Variants in TPST1 observed in about 807,000 individuals in gnomAD.
TPST1 encodes the protein tyrosylprotein sulfotransferase 1, also known as protein-tyrosine sulfotransferase 1.
In TPST1, 20 loss-of-function variants were observed where a neutral mutation model predicts 34.8. That is an observed-to-expected ratio of 0.57 (90% CI 0.40 to 0.84). The LOEUF (loss-of-function observed/expected upper bound fraction) is 0.84, where lower values mean the gene tolerates loss of function less well. Among genes scored for constraint, TPST1 ranks in the 40% least tolerant of loss-of-function variants. The probability of loss-of-function intolerance (pLI) is 0.00; values close to 1 mark genes in which losing one functional copy is unlikely to be tolerated. For missense variants in TPST1, 353 were observed against 455.5 expected (o/e 0.78, Z 2.05); for synonymous variants, 152 against 159.4 (o/e 0.95, Z 0.35).
intron 3 of TPST1, among the ~76,000 whole-genome samples, chr7:66,303,985 C>T (rs1791371041): frequency 6.6e-6 from 1 of 152,140 alleles, no homozygotes; most frequent in Non-Finnish European, 1.5e-5. Flanking sequence ...GGCAAAGCCC[C>T]AGAGGTTGTG....
chr7:66,314,322 C>G (rs1354883395), intron 3 of TPST1, among the ~76,000 whole-genome samples: 1 of 152,124 alleles, frequency 6.6e-6, no homozygotes, highest in Non-Finnish European at 1.5e-5. Context: ...ATCGCTTAAG[C>G]CCAGGAACTC....
chr7:66,269,233 G>A (rs906792223), intron 2 of TPST1, among the ~76,000 whole-genome samples: 1 of 152,136 alleles, frequency 6.6e-6, no homozygotes, highest in Non-Finnish European at 1.5e-5. Flanking sequence ...TTAGTAGATG[G>A]AAAACTCCCC....
intron 4 of TPST1, among the ~76,000 whole-genome samples, chr7:66,356,124 C>A (rs751286745): frequency 6.6e-6 from 1 of 152,148 alleles, no homozygotes; most frequent in African/African-American, 2.4e-5. Flanking sequence ...AGTTTAACTT[C>A]TAATGAAAAT....
chr7:66,203,764 C>T (rs1392881901), upstream of TPST1, among the ~76,000 whole-genome samples: 1 of 152,074 alleles, frequency 6.6e-6, no homozygotes, highest in East Asian at 1.9e-4. Context: ...GGATTACAGG[C>T]GTGAGCCACT....
At chr7:66,234,395 A>G (rs924927551) in intron 1 of TPST1, among the ~76,000 whole-genome samples, 1 of 146,892 alleles carries the variant, frequency 6.8e-6, no homozygotes, top group African/African-American at 2.5e-5. Flanking sequence ...AAATAAAAGC[A>G]TGGCTACACA....
intron 3 of TPST1, among the ~76,000 whole-genome samples, chr7:66,340,186 C>T (rs1026903364): frequency 6.6e-6 from 1 of 151,198 alleles, no homozygotes; most frequent in South Asian, 2.1e-4. Context: ...AAATACAAAG[C>T]CTGGGTGATA....
intron 4 of TPST1, 54 bp downstream of exon 4, chr7:66,352,609 A>G (rs573691943): frequency 6.3e-7 from 1 of 1,584,246 alleles, no homozygotes; most frequent in East Asian, 2.3e-5. Context: ...CTTGCATTGA[A>G]GTAATATTTT....
intron 1 of TPST1, among the ~76,000 whole-genome samples, chr7:66,230,247 C>T (rs567083761): frequency 4.8e-4 from 73 of 152,304 alleles, no homozygotes; most frequent in African/African-American, 1.7e-3. Flanking sequence ...CTCCAGGCAA[C>T]TATTTTACTG....
intron 2 of TPST1, among the ~76,000 whole-genome samples, chr7:66,255,141 G>A (rs1237496043): frequency 6.7e-5 from 5 of 74,208 alleles, no homozygotes; most frequent in Non-Finnish European, 1.3e-4. Flanking sequence ...GCGAGACAAC[G>A]TCTCAAAAAA....
chr7:66,256,830 C>T (rs1034514224), intron 2 of TPST1, among the ~76,000 whole-genome samples: 1 of 152,146 alleles, frequency 6.6e-6, no homozygotes, highest in African/African-American at 2.4e-5. Context: ...GCATATGGCC[C>T]TCTTAATTTG....
At chr7:66,292,715 C>T (rs1319848110) in intron 3 of TPST1, among the ~76,000 whole-genome samples, 1 of 140,762 alleles carries the variant, frequency 7.1e-6, no homozygotes, top group Non-Finnish European at 1.5e-5. Context: ...CCTGCTTCGG[C>T]TCGCGCACGG....
chr7:66,207,981 T>C (rs189260270), intron 1 of TPST1, among the ~76,000 whole-genome samples: 102 of 152,200 alleles, frequency 6.7e-4, no homozygotes, highest in African/African-American at 2.2e-3. Context: ...TCTTTTTTTT[T>C]TCTCTCTCTT....
chr7:66,241,133 G>T lies in TPST1; in HGVS notation c.708G>T (p.Leu236Phe). 1 of 1,614,110 alleles carries T rather than the reference G, an allele frequency of 6.2e-7. No homozygotes were observed. ...CMEVGYKKCM[L>F]VHYEQLVLHP... ...AGGTTGGTTATAAAAAGTGCATGTT[G>T]GTTCACTATGAACAACTTGTCTTAC... Residue 236 changes from leucine (L) to phenylalanine (F), a missense_variant, in exon 2 of 6, where the codon TTG (leucine) becomes TTT (phenylalanine). Leu to Phe is a conservative substitution (Grantham distance 22). Transcript: ENST00000304842.
intron 2 of TPST1, among the ~76,000 whole-genome samples, chr7:66,277,783 T>G (rs1288549558): frequency 6.6e-6 from 1 of 152,044 alleles, no homozygotes; most frequent in South Asian, 2.1e-4. Flanking sequence ...TTTTAAAGGC[T>G]CTGTCTGGTG....
intron 2 of TPST1, among the ~76,000 whole-genome samples, chr7:66,252,223 A>G (rs1167562037): frequency 1.3e-5 from 2 of 150,694 alleles, no homozygotes; most frequent in African/African-American, 4.9e-5. Context: ...ACACCCGGCT[A>G]TTTTTTTGTA....
chr7:66,312,492 G>C, intron 3 of TPST1, among the ~76,000 whole-genome samples: 1 of 152,110 alleles, frequency 6.6e-6, no homozygotes, highest in Non-Finnish European at 1.5e-5. Flanking sequence ...GGAGAAAATA[G>C]GAGATACTTA....
At chr7:66,330,007 T>C (rs1209185790) in intron 3 of TPST1, among the ~76,000 whole-genome samples, 1 of 152,160 alleles carries the variant, frequency 6.6e-6, no homozygotes, top group Non-Finnish European at 1.5e-5. Context: ...CTGTGCTCAC[T>C]ACCTGGGTGA....
At chr7:66,310,745 G>C (rs1319813160) in intron 3 of TPST1, among the ~76,000 whole-genome samples, 1 of 152,134 alleles carries the variant, frequency 6.6e-6, no homozygotes, top group East Asian at 1.9e-4. Flanking sequence ...GGGTAAATTT[G>C]AAGTATGATA....
chr7:66,241,796 A>G (rs970201930), intron 2 of TPST1, among the ~76,000 whole-genome samples: 1 of 152,240 alleles, frequency 6.6e-6, no homozygotes, highest in African/African-American at 2.4e-5. Context: ...CATTTTATGG[A>G]CAAGAAGACT....
Sources: allele counts gnomAD v4.1 joint callset (sites outside exome capture counted in the v4.1 genomes callset), GRCh38; gene constraint gnomAD v4.1.1; transcripts MANE v1.5; gene names NCBI Gene and HGNC (gene_info 2026-07-23, HGNC 2026-07-21).